The following RHOT2 variants were observed in gnomAD, a reference collection of about 807,000 sequenced individuals.
RHOT2 encodes mitochondrial Rho GTPase 2.
RHOT2 carries 90 observed loss-of-function variants against 81.6 expected under a neutral mutation model. The observed-to-expected ratio is 1.10, with a 90% confidence interval of 0.93 to 1.31. The LOEUF is 1.31. RHOT2 is among the 40% of genes most tolerant of loss of function. RHOT2 has a pLI of 0.00. For synonymous variants in RHOT2, 512 were observed against 370.9 expected (o/e 1.38, Z -4.37); for missense variants, 1,014 against 841.9 (o/e 1.20, Z -2.53).
chr16:669,519 C>T (rs556425171), intron 4 of RHOT2, 34 bp from the exon 5 acceptor site: 6 of 1,607,636 alleles, frequency 3.7e-6, no homozygotes, highest in East Asian at 4.5e-5. Context: ...GAGCCAGCAG[C>T]CCTGTCACCC....
chr16:668,431 CG>C lies in RHOT2; in HGVS notation c.96+25del. ...GAGGAGGTAAGGGGCACGCCCGCCG[CG>C]GGGGTGGGAGCGGGCCCAGCCGGGG... On this transcript the variant is annotated intron_variant, in intron 2 of 18. Coordinates refer to ENST00000315082, the MANE Select transcript of RHOT2 (RefSeq NM_138769.3). The C allele has an allele frequency of 6.5e-7, 1 of 1,548,440 alleles. No individual in the cohort carries two copies.
rs755451814 is a variant in RHOT2 at position 673,095 on chromosome 16, C to T, written c.1695C>T (p.Thr565=). ...CTGGCCCAGCCGAGCCCAGCACCAC[C>T]ATCTTCACCCAGCTCGCCACCATGG... The part of the protein sequence containing the change: ...SCAGPAEPST[T]IFTQLATMAA... Residue 565 remains threonine (T), a synonymous_variant, in exon 18 of 19, where the codon ACC becomes ACT. Transcript: ENST00000315082. 1.9e-6 allele frequency: 3 copies of T among 1,611,634 alleles called. No individual in the cohort carries two copies. In the Admixed American group the frequency reaches 5.0e-5, roughly 27 times the overall value.
At position 672,277 on chromosome 16, in the gene RHOT2, CAGG is replaced by C; in HGVS notation, c.1222_1224del (p.Glu408del). ...AGTCACTCGTGAGAAGAGGCTGGACCAGGAGAAGGGACAGACGCAGCGGAGCGT... is the reference window on the plus strand; with the variant it reads ...AGTCACTCGTGAGAAGAGGCTGGACCAGAAGGGACAGACGCAGCGGAGCGT... On this transcript the variant is annotated inframe_deletion, in exon 15 of 19. Transcript: ENST00000315082. The C allele has an allele frequency of 6.2e-6, 10 of 1,611,898 alleles. No individual in the cohort carries two copies. Among genetic ancestry groups the C allele is most frequent in the Non-Finnish European group, 8.5e-6 (10 of 1,179,368 alleles).
rs375727739 is a variant in RHOT2, at chr16:670,110, C to G, written c.277-13C>G. 1 of 1,555,458 alleles carries G rather than the reference C, an allele frequency of 6.4e-7. No individual in the cohort carries two copies. Among genetic ancestry groups the G allele is most frequent in the African/African-American group, 1.4e-5 (1 of 72,386 alleles). ...CGGGCAGCCTCACTTCACAGCCAGG[C>G]TTTGCTTTTCAGATTCGAACTAAGT... On this transcript the variant is annotated splice_polypyrimidine_tract_variant and intron_variant, in intron 5 of 18. Transcript: ENST00000315082.
chr16:672,062 C>T, intron 13 of RHOT2, 22 bp from the exon 14 acceptor site: 8 of 1,612,290 alleles, frequency 5.0e-6, no homozygotes, highest in Non-Finnish European at 6.8e-6. Flanking sequence ...TAACACTGTG[C>T]CTGCCTCCCG....
intron 18 of RHOT2, 30 bp from the exon 19 acceptor site, chr16:673,450 G>T (rs1248354475): frequency 6.2e-7 from 1 of 1,612,358 alleles, no homozygotes; most frequent in South Asian, 1.1e-5. Flanking sequence ...TGTGCCTGAG[G>T]TATCTGCAGA....
At chr16:671,810 G>GCCCCGCCCCC in intron 12 of RHOT2, 29 bp downstream of exon 12, 1 of 1,586,240 alleles carries the variant, frequency 6.3e-7, no homozygotes, top group Non-Finnish European at 8.6e-7. Context: ...CCCTGCCCCT[G>GCCCCGCCCCC]CCCCCGCCCC....
intron 4 of RHOT2, 128 bp from the exon 5 acceptor site, chr16:669,425 C>T (rs1013494928): frequency 5.7e-5 from 51 of 892,474 alleles, no homozygotes; most frequent in Middle Eastern, 3.0e-4. Context: ...TTCCCGGCCT[C>T]AGAGCTGCAC....
upstream of RHOT2, chr16:668,106 C>T (rs973214218): frequency 9.6e-6 from 4 of 415,028 alleles, no homozygotes; most frequent in South Asian, 3.6e-4. Flanking sequence ...GGCCGAGAAC[C>T]GGAAGTGCGG....
chr16:672,076 A>G lies in RHOT2; in HGVS notation c.1098-8A>G, dbSNP rs1435304430. ...ATAACACTGTGCCTGCCTCCCGCCC[A>G]CCCCCAGCCTGGTGACCTACCTGGA... On this transcript the variant is annotated splice_region_variant and splice_polypyrimidine_tract_variant and intron_variant, in intron 13 of 18. Transcript: ENST00000315082. 1.4e-6 allele frequency: 2 copies of G among 1,446,976 alleles called. No homozygotes were observed. Among genetic ancestry groups the G allele is most frequent in the Non-Finnish European group, 1.8e-6 (2 of 1,082,078 alleles). 89.6% of individuals were successfully genotyped at this position (1,446,976 alleles called of 1,614,324 possible).
intron 5 of RHOT2, chr16:669,828 C>T (rs533093582): frequency 8.1e-6 from 5 of 620,758 alleles, no homozygotes; most frequent in Middle Eastern, 4.3e-4. Flanking sequence ...CGGCAGTCCT[C>T]TTTCTTCCCC....
rs1414102310 is a variant in RHOT2 at position 671,171 on chromosome 16, C to T, written c.837C>T (p.Ala279=). 6 of 1,580,932 alleles carry T rather than the reference C, an allele frequency of 3.8e-6. No homozygotes were observed. The highest frequency in any genetic ancestry group is 3.6e-5 in the Admixed American group (2 of 56,228). The change falls in exon 11 of 19, where the codon GCC becomes GCT. Residue 279 remains alanine, a synonymous_variant. Transcript: ENST00000315082. ...TILRRFGYSD[A]LELTADYLSP... ...TGCGGCGCTTCGGCTACAGCGATGC[C>T]CTGGAGCTGACTGCGGACTATCTCT...
rs1434674195 is a variant in RHOT2 at position 673,776 on chromosome 16, A to G, written c.*170A>G. ...ATCTGCAGCGGGGCCTTATGCTGCC[A>G]TGCACTGCCCTGGCTCCTGCCGGAC... On this transcript the variant is annotated 3_prime_UTR_variant, in exon 19 of 19. Coordinates refer to ENST00000315082, the MANE Select transcript of RHOT2 (RefSeq NM_138769.3). 1.2e-6 allele frequency: 1 copy of G among 842,148 alleles called. No homozygotes were observed. The highest frequency in any genetic ancestry group is 1.7e-5 in the African/African-American group (1 of 57,600). 52.2% of individuals were successfully genotyped at this position (842,148 alleles called of 1,614,324 possible).
At chr16:668,331 C>G in intron 1 of RHOT2, 22 bp from the exon 2 acceptor site, 6 of 1,382,912 alleles carry the variant, frequency 4.3e-6, no homozygotes, top group Non-Finnish European at 5.6e-6. Context: ...GGCCCTCGCG[C>G]TGACCGCCTC....
chr16:673,169 T>G, intron 18 of RHOT2, 39 bp downstream of exon 18: 1 of 1,593,674 alleles, frequency 6.3e-7, no homozygotes. Context: ...ACTAGCAGTG[T>G]CTGTCATCCG....
At position 672,996 on chromosome 16, in the gene RHOT2, C is replaced by T. The variant is rs773259726; in HGVS notation, c.1596C>T (p.Val532=). The T allele has an allele frequency of 1.3e-5, 21 of 1,612,602 alleles. No homozygotes were observed. The Admixed American group carries it at 1.8e-4, about 14-fold the overall frequency. ...VSSKADLPEG[V]AVSGPSPAEF... ...CCAAGGCCGACCTGCCCGAAGGTGTCGCGGTGTCTGGCCCATCACCGGCCG... is the reference window on the plus strand; with the variant it reads ...CCAAGGCCGACCTGCCCGAAGGTGTTGCGGTGTCTGGCCCATCACCGGCCG... Residue 532 remains valine, a synonymous_variant, in exon 18 of 19, where the codon GTC becomes GTT. Coordinates refer to ENST00000315082, the MANE Select transcript of RHOT2 (RefSeq NM_138769.3).
At chr16:669,987 G>T (rs1434136176) in intron 5 of RHOT2, 136 bp from the exon 6 acceptor site, 8 of 771,176 alleles carry the variant, frequency 1.0e-5, no homozygotes, top group Non-Finnish European at 1.6e-5. Flanking sequence ...CACCAGCTTT[G>T]TTCCTGTGGC....
chr16:672,526 T>C lies in RHOT2; in HGVS notation c.1364T>C (p.Ile455Thr). The C allele has an allele frequency of 6.2e-7, 1 of 1,612,596 alleles. No homozygotes were observed. The highest frequency in any genetic ancestry group is 8.5e-7 in the Non-Finnish European group (1 of 1,179,910). Residue 455 changes from isoleucine to threonine, a missense_variant, in exon 16 of 19, where the codon ATC (isoleucine) becomes ACC (threonine). Coordinates refer to ENST00000315082, the MANE Select transcript of RHOT2 (RefSeq NM_138769.3). ...DTREQPPGYA[I>T]DTVQVNGQEK... ...AGGGAGCAGCCTCCCGGCTACGCCA[T>C]CGACACGGTGCAGGTCAATGGACAG...
chr16:671,723 C>G lies in RHOT2; in HGVS notation c.896C>G (p.Thr299Arg), dbSNP rs371222649. The G allele has an allele frequency of 2.5e-6, 4 of 1,612,428 alleles. No individual in the cohort carries two copies. The highest frequency in any genetic ancestry group is 1.7e-5 in the Admixed American group (1 of 60,000). Residue 299 changes from threonine to arginine, a missense_variant, in exon 12 of 19, where the codon ACG becomes AGG. Transcript: ENST00000315082. ...PLIHVPPGCS[T>R]ELNHLGYQFV... ...ATCCACGTGCCCCCCGGCTGCAGCA[C>G]GGAGCTCAACCACCTTGGCTACCAG...
Sources: gnomAD v4.1 joint callset for allele counts on GRCh38, gnomAD v4.1.1 for gene constraint, MANE v1.5 for transcripts, NCBI Gene and HGNC (gene_info 2026-07-23, HGNC 2026-07-21) for gene names.